The following RNF220 variants were observed in gnomAD, a reference collection of about 807,000 sequenced individuals.
RNF220 encodes E3 ubiquitin-protein ligase RNF220.
In RNF220, 7 loss-of-function variants were observed where a neutral mutation model predicts 67.1. The ratio of observed to expected loss-of-function variants is 0.10; its 90% CI spans 0.06 to 0.20. The LOEUF (loss-of-function observed/expected upper bound fraction) is 0.20, where lower values mean the gene tolerates loss of function less well. RNF220 is among the 10% of genes least tolerant of loss of function. The probability of loss-of-function intolerance (pLI) is 1.00; values close to 1 mark genes in which losing one functional copy is unlikely to be tolerated. For missense variants in RNF220, 565 were observed against 740.3 expected, an observed-to-expected ratio of 0.76 and a Z score of 2.75; for synonymous variants, 270 against 283.2, an observed-to-expected ratio of 0.95 and a Z score of 0.47.
At chr1:44,555,770 T>C (rs7553355) in intron 2 of RNF220, among the ~76,000 whole-genome samples, 41,519 of 150,070 alleles carry the variant, frequency 0.28, 6,901 homozygotes, top group African/African-American at 0.37. Flanking sequence ...CCACCGCGCC[T>C]GGCCTGAATG....
At chr1:44,430,504 A>C (rs1650246165) in intron 2 of RNF220, among the ~76,000 whole-genome samples, 1 of 152,138 alleles carries the variant, frequency 6.6e-6, no homozygotes, top group Non-Finnish European at 1.5e-5. Flanking sequence ...TTTTTCCATA[A>C]ATCTAAAAAC....
chr1:44,455,679 T>G (rs1188265203), intron 2 of RNF220, among the ~76,000 whole-genome samples: 1 of 152,088 alleles, frequency 6.6e-6, no homozygotes, highest in African/African-American at 2.4e-5. Context: ...GATGAATAAG[T>G]TGAGAGAGAA....
chr1:44,487,156 G>A (rs1373907910), intron 2 of RNF220, among the ~76,000 whole-genome samples: 1 of 151,780 alleles, frequency 6.6e-6, no homozygotes. Context: ...CCAACATGGT[G>A]AAACCCTGCC....
intron 2 of RNF220, among the ~76,000 whole-genome samples, chr1:44,513,839 C>T (rs1311449470): frequency 6.6e-6 from 1 of 152,148 alleles, no homozygotes; most frequent in Non-Finnish European, 1.5e-5. Context: ...CAGCTGTCTC[C>T]CCAGGTATAT....
chr1:44,424,219 A>G (rs960503949), intron 2 of RNF220, among the ~76,000 whole-genome samples: 1 of 152,196 alleles, frequency 6.6e-6, no homozygotes, highest in African/African-American at 2.4e-5. Flanking sequence ...ATTTCAAGAG[A>G]GAGAGAGAGT....
chr1:44,622,192 C>A lies in RNF220; in HGVS notation c.759-550C>A, dbSNP rs148838724. ...CCTCCCACCCCAGCCCCCGCCTGCTCTGAGCCGCCCACCATATTTCAGGGC... is the reference window on the plus strand; with the variant it reads ...CCTCCCACCCCAGCCCCCGCCTGCTATGAGCCGCCCACCATATTTCAGGGC... On this transcript the variant is annotated intron_variant, in intron 3 of 14. Coordinates refer to ENST00000361799, the MANE Select transcript of RNF220 (RefSeq NM_018150.4). The surrounding 1 kb of genome is among the most constrained non-coding windows in gnomAD (Gnocchi z 4.3). Among the ~76,000 whole-genome samples, 1 of 152,188 alleles carries A rather than the reference C, an allele frequency of 6.6e-6. No individual in the cohort carries two copies. The highest frequency in any genetic ancestry group is 2.4e-5 in the African/African-American group (1 of 41,448).
intron 2 of RNF220, among the ~76,000 whole-genome samples, chr1:44,530,430 C>T (rs933909892): frequency 2.0e-5 from 3 of 151,650 alleles, no homozygotes; most frequent in Non-Finnish European, 4.4e-5. Flanking sequence ...AAAAGGACAT[C>T]TCGTCATTTA....
At chr1:44,596,759 C>A (rs888449596) in intron 2 of RNF220, among the ~76,000 whole-genome samples, 1 of 152,218 alleles carries the variant, frequency 6.6e-6, no homozygotes, top group Non-Finnish European at 1.5e-5. Flanking sequence ...TTCTAGGCAG[C>A]AGTGAGCCTC....
At chr1:44,592,792 C>T (rs1330978894) in intron 2 of RNF220, among the ~76,000 whole-genome samples, 1 of 152,158 alleles carries the variant, frequency 6.6e-6, no homozygotes, top group Non-Finnish European at 1.5e-5. Flanking sequence ...CAGGTGCTTT[C>T]AAGACCAGGT....
At chr1:44,414,511 T>C (rs1032239156) in intron 2 of RNF220, among the ~76,000 whole-genome samples, 3 of 152,214 alleles carry the variant, frequency 2.0e-5, no homozygotes, top group Non-Finnish European at 4.4e-5. Context: ...AGGAAGCTTG[T>C]TAGTCAAGTC....
chr1:44,529,350 C>T (rs964054883), intron 2 of RNF220, among the ~76,000 whole-genome samples: 12 of 150,022 alleles, frequency 8.0e-5, no homozygotes, highest in Non-Finnish European at 1.5e-4. Context: ...AAAGGAATTA[C>T]ACACACACAC....
At chr1:44,504,033 T>C (rs1658186200) in intron 2 of RNF220, among the ~76,000 whole-genome samples, 1 of 152,086 alleles carries the variant, frequency 6.6e-6, no homozygotes, top group African/African-American at 2.4e-5. Flanking sequence ...TTATTTTTAG[T>C]AGAGATGGGT....
chr1:44,552,768 A>G (rs1351938036), intron 2 of RNF220, among the ~76,000 whole-genome samples: 1 of 151,368 alleles, frequency 6.6e-6, no homozygotes, highest in Non-Finnish European at 1.5e-5. Context: ...ACGGGGTTTC[A>G]CCTTGTTAGC....
intron 1 of RNF220, 90 bp downstream of exon 1, chr1:44,405,620 C>T: frequency 3.6e-6 from 1 of 280,048 alleles, no homozygotes; most frequent in Admixed American, 5.5e-5. Flanking sequence ...ACCTGGCTAA[C>T]TTTCCGGGTC....
chr1:44,586,509 A>G (rs1572960112), intron 2 of RNF220, among the ~76,000 whole-genome samples: 1 of 152,252 alleles, frequency 6.6e-6, no homozygotes, highest in East Asian at 1.9e-4. Context: ...CCAGGGACCC[A>G]GGGAGCTGCT....
intron 2 of RNF220, among the ~76,000 whole-genome samples, chr1:44,441,388 T>C (rs1490867018): frequency 6.6e-6 from 1 of 152,156 alleles, no homozygotes; most frequent in African/African-American, 2.4e-5. Context: ...TTTTCTAGGG[T>C]AAATATGGTA....
rs9783037 is a variant in RNF220 at position 44,480,145 on chromosome 1, T to C, written c.625+67423T>C. ...CAAAGGCAGGGCACAGTGGCTCACATCTACTCCCAGCACTTTGGGAGGCCA... is the reference window on the plus strand; with the variant it reads ...CAAAGGCAGGGCACAGTGGCTCACACCTACTCCCAGCACTTTGGGAGGCCA... On this transcript the variant is annotated intron_variant, in intron 2 of 14. Transcript: ENST00000361799. 5.3e-3 allele frequency among the ~76,000 whole-genome samples: 800 copies of C among 152,272 alleles called. 9 individuals carry two copies. The highest frequency in any genetic ancestry group is 0.018 in the African/African-American group (763 of 41,538).
At chr1:44,413,199 C>G (rs983338360) in intron 2 of RNF220, among the ~76,000 whole-genome samples, 57 of 152,216 alleles carry the variant, frequency 3.7e-4, no homozygotes, top group African/African-American at 1.3e-3. Flanking sequence ...TTTCACAACT[C>G]TCAGCCCTTG....
chr1:44,573,178 C>T (rs767640208), intron 2 of RNF220, among the ~76,000 whole-genome samples: 49 of 152,196 alleles, frequency 3.2e-4, no homozygotes, highest in Admixed American at 2.7e-3. Flanking sequence ...ACGTCCCAGG[C>T]GATGTGCCAG....
Sources: allele counts gnomAD v4.1 joint callset (sites outside exome capture counted in the v4.1 genomes callset), GRCh38; gene constraint gnomAD v4.1.1; non-coding constraint Gnocchi (gnomAD v3.1); transcripts MANE v1.5; gene names NCBI Gene and HGNC (gene_info 2026-07-23, HGNC 2026-07-21).